Variants in STK39 observed in about 807,000 individuals in gnomAD.
STK39 encodes serine/threonine kinase 39.
In STK39, 20 loss-of-function variants were observed where a neutral mutation model predicts 77.8. That is an observed-to-expected ratio of 0.26 (90% CI 0.18 to 0.37). The LOEUF (loss-of-function observed/expected upper bound fraction) is 0.37. Among genes scored for constraint, STK39 ranks in the 10% least tolerant of loss-of-function variants. The probability of loss-of-function intolerance (pLI) is 1.00; values close to 1 mark genes in which losing one functional copy is unlikely to be tolerated. For missense variants in STK39, 479 were observed against 656.5 expected, an observed-to-expected ratio of 0.73 and a Z score of 2.95; for synonymous variants, 246 against 234.1, an observed-to-expected ratio of 1.05 and a Z score of -0.47.
intron 10 of STK39, among the ~76,000 whole-genome samples, chr2:168,085,854 G>A (rs1686352790): frequency 1.3e-5 from 2 of 152,262 alleles, no homozygotes; most frequent in East Asian, 1.9e-4. Flanking sequence ...AGTGAGGGAA[G>A]GTCAGAAAAG....
intron 16 of STK39, among the ~76,000 whole-genome samples, chr2:168,001,775 G>T (rs1015294984): frequency 1.3e-5 from 2 of 152,150 alleles, no homozygotes; most frequent in East Asian, 3.8e-4. Context: ...TTTCATCTGG[G>T]ACTGGGAGAC....
chr2:168,078,309 C>T (rs1022898539), intron 10 of STK39, among the ~76,000 whole-genome samples: 6 of 152,148 alleles, frequency 3.9e-5, no homozygotes, highest in Non-Finnish European at 8.8e-5. Context: ...CAGGCTCAGC[C>T]AGATGAACAA....
chr2:168,020,566 A>G (rs772830598), intron 14 of STK39, among the ~76,000 whole-genome samples: 4 of 151,780 alleles, frequency 2.6e-5, no homozygotes, highest in Non-Finnish European at 5.9e-5. Flanking sequence ...TAACACTAAT[A>G]TATAAATGTA....
intron 10 of STK39, among the ~76,000 whole-genome samples, chr2:168,088,514 G>C (rs1686431401): frequency 2.0e-5 from 3 of 152,176 alleles, no homozygotes; most frequent in African/African-American, 7.2e-5. Context: ...GAACTTCACA[G>C]TTCCTCACTG....
chr2:168,203,679 G>A (rs1689667372), intron 1 of STK39, among the ~76,000 whole-genome samples: 2 of 152,252 alleles, frequency 1.3e-5, no homozygotes, highest in Middle Eastern at 3.4e-3. Context: ...TGCAACCTCC[G>A]CCTCCTGGGT....
Position 168,074,689 on chromosome 2 carries a change from C to T in STK39, c.1242+293G>A, listed in dbSNP as rs183255446. On this transcript the variant is annotated intron_variant, in intron 12 of 17. Transcript: ENST00000355999. ...ATTACCTAGTCTGTGACAAGGATTC[C>T]GTGGAGGGTTTTGTGTACGGGATTT... Among the ~76,000 whole-genome samples the T allele has an allele frequency of 1.5e-3, 225 of 152,262 alleles. 2 individuals are homozygous for T. The highest frequency in any genetic ancestry group is 5.2e-3 in the African/African-American group (215 of 41,542).
chr2:168,035,084 A>G (rs1684917993), intron 14 of STK39, among the ~76,000 whole-genome samples: 2 of 152,212 alleles, frequency 1.3e-5, no homozygotes, highest in African/African-American at 4.8e-5. Context: ...TTGGTCGTTA[A>G]TGATTTGAGG....
At chr2:168,032,630 A>G (rs1304962279) in intron 14 of STK39, among the ~76,000 whole-genome samples, 1 of 152,240 alleles carries the variant, frequency 6.6e-6, no homozygotes, top group Non-Finnish European at 1.5e-5. Flanking sequence ...ACTCTTCAGA[A>G]GTGTATATAC....
intron 5 of STK39, among the ~76,000 whole-genome samples, chr2:168,153,283 T>C (rs182219691): frequency 3.3e-5 from 5 of 152,332 alleles, no homozygotes; most frequent in African/African-American, 7.2e-5. Flanking sequence ...ACTGGGACTG[T>C]AGACCAGAAA....
intron 5 of STK39, 79 bp from the exon 6 acceptor site, chr2:168,140,837 T>C: frequency 8.4e-7 from 1 of 1,192,618 alleles, no homozygotes; most frequent in Non-Finnish European, 1.2e-6. Context: ...AGCATGTCTC[T>C]TCTTTGTGAG....
chr2:168,170,825 G>A (rs1423106589), intron 2 of STK39, among the ~76,000 whole-genome samples: 1 of 152,160 alleles, frequency 6.6e-6, no homozygotes, highest in East Asian at 1.9e-4. Context: ...AAGCAAAGCT[G>A]GAAATAAGGG....
chr2:168,203,286 C>A (rs1048446385), intron 1 of STK39, among the ~76,000 whole-genome samples: 1 of 152,046 alleles, frequency 6.6e-6, no homozygotes, highest in Admixed American at 6.6e-5. Flanking sequence ...AAAGGAAGAA[C>A]CAGACATCCT....
intron 1 of STK39, among the ~76,000 whole-genome samples, chr2:168,242,560 A>AAAAAAATAT (rs1296747890): frequency 2.2e-5 from 1 of 44,866 alleles, no homozygotes; most frequent in South Asian, 7.2e-4. Context: ...AAAAAAAAAA[A>AAAAAAATAT]ATATATATAT....
At chr2:168,027,604 A>G (rs1303927633) in intron 14 of STK39, among the ~76,000 whole-genome samples, 1 of 152,224 alleles carries the variant, frequency 6.6e-6, no homozygotes, top group Non-Finnish European at 1.5e-5. Context: ...ATGTACACAC[A>G]CGTACATGCA....
chr2:167,991,059 A>C (rs1465623429), intron 16 of STK39, among the ~76,000 whole-genome samples: 1 of 152,230 alleles, frequency 6.6e-6, no homozygotes, highest in Non-Finnish European at 1.5e-5. Context: ...CCAGTTGGGC[A>C]AAGTAACAAA....
At chr2:168,183,393 T>G (rs1689132511) in intron 1 of STK39, among the ~76,000 whole-genome samples, 2 of 152,108 alleles carry the variant, frequency 1.3e-5, no homozygotes, top group Admixed American at 6.6e-5. Context: ...CCTGTACATT[T>G]TTATTACTAG....
intron 8 of STK39, among the ~76,000 whole-genome samples, chr2:168,131,969 T>C (rs1687708753): frequency 6.6e-6 from 1 of 152,138 alleles, no homozygotes. Flanking sequence ...ATGGCAGACA[T>C]AAATAATCCT....
intron 8 of STK39, among the ~76,000 whole-genome samples, chr2:168,132,645 T>TTTAAATGTCATCTTCAAA (rs1376850760): frequency 6.6e-6 from 1 of 152,308 alleles, no homozygotes; most frequent in African/African-American, 2.4e-5. Flanking sequence ...CAAGAGCCAA[T>TTTAAATGTCATCTTCAAA]TTAAATGTCA....
At chr2:167,961,937 G>A (rs193174489) in intron 17 of STK39, among the ~76,000 whole-genome samples, 8 of 152,316 alleles carry the variant, frequency 5.3e-5, no homozygotes, top group African/African-American at 1.9e-4. Context: ...AGTGGAGGCT[G>A]CAGACTCACC....
Sources: gnomAD v4.1 joint callset for allele counts (sites outside exome capture counted in the v4.1 genomes callset) on GRCh38, gnomAD v4.1.1 for gene constraint, MANE v1.5 for transcripts, NCBI Gene and HGNC (gene_info 2026-07-23, HGNC 2026-07-21) for gene names.